IGBP1C: variants seen among roughly 807,000 people sequenced by gnomAD.
IGBP1C encodes immunoglobulin-binding protein 1 family member C.
chr17:58,661,301 C>T, the IGBP1C span: 4 of 818,156 alleles, frequency 4.9e-6, no homozygotes, highest in East Asian at 4.8e-5. Flanking sequence ...ATGATCTAGA[C>T]GCTTACGGGG....
the IGBP1C span, among the ~76,000 whole-genome samples, chr17:58,684,160 G>GA: frequency 1.4e-5 from 2 of 147,614 alleles, no homozygotes; most frequent in Non-Finnish European, 1.5e-5. Flanking sequence ...CAACTGGAAA[G>GA]AAAAAAAAAT....
the IGBP1C span, chr17:58,666,674 G>A: frequency 3.3e-5 from 5 of 152,112 alleles, no homozygotes; most frequent in South Asian, 8.3e-4. Flanking sequence ...CATAATCACA[G>A]TATTTCTCCT....
the IGBP1C span, among the ~76,000 whole-genome samples, chr17:58,676,543 A>G: frequency 6.6e-6 from 1 of 152,154 alleles, no homozygotes; most frequent in Non-Finnish European, 1.5e-5. Context: ...CTGAGCAATA[A>G]GAGTGAAACT....
chr17:58,691,644 G>A, the IGBP1C span, among the ~76,000 whole-genome samples: 1 of 125,178 alleles, frequency 8.0e-6, no homozygotes, highest in Non-Finnish European at 1.6e-5. Flanking sequence ...TCCATCATGG[G>A]CAACACAGTG....
the IGBP1C span, among the ~76,000 whole-genome samples, chr17:58,666,989 C>G: frequency 1.3e-5 from 2 of 152,218 alleles, no homozygotes; most frequent in African/African-American, 4.8e-5. Flanking sequence ...TTCCAACCAG[C>G]AGTTCCTTCT....
At chr17:58,666,960 C>T in the IGBP1C span, among the ~76,000 whole-genome samples, 3 of 152,172 alleles carry the variant, frequency 2.0e-5, no homozygotes, top group African/African-American at 4.8e-5. Context: ...AGCGCAACTG[C>T]GTTCTCATCT....
the IGBP1C span, among the ~76,000 whole-genome samples, chr17:58,663,624 G>T: frequency 6.6e-6 from 1 of 151,790 alleles, no homozygotes; most frequent in Non-Finnish European, 1.5e-5. Context: ...GCACCACCAC[G>T]CCTGGCTAAT....
chr17:58,667,920 C>T, the IGBP1C span, among the ~76,000 whole-genome samples: 215 of 149,228 alleles, frequency 1.4e-3, 1 homozygote, highest in Middle Eastern at 0.021. Context: ...AGATTCTTTT[C>T]TTGTTTGCTT....
At chr17:58,668,746 G>T in the IGBP1C span, among the ~76,000 whole-genome samples, 1 of 152,130 alleles carries the variant, frequency 6.6e-6, no homozygotes, top group African/African-American at 2.4e-5. Context: ...AAATAATCTG[G>T]ATCACCCAGA....
At chr17:58,666,458 C>CAAA in the IGBP1C span, 21 of 36,830 alleles carry the variant, frequency 5.7e-4, no homozygotes, top group Admixed American at 1.6e-3. Flanking sequence ...CCTTCCACGG[C>CAAA]AAAAAAAAAA....
the IGBP1C span, among the ~76,000 whole-genome samples, chr17:58,676,790 A>G: frequency 1.3e-5 from 2 of 152,152 alleles, no homozygotes; most frequent in African/African-American, 4.8e-5. Context: ...GTTCGAGACC[A>G]GCCTGGGCAA....
At chr17:58,682,679 G>C in the IGBP1C span, among the ~76,000 whole-genome samples, 1 of 152,154 alleles carries the variant, frequency 6.6e-6, no homozygotes, top group Non-Finnish European at 1.5e-5. Flanking sequence ...CGGCTGCCCA[G>C]CCTACAGAGT....
chr17:58,679,156 A>G, the IGBP1C span, among the ~76,000 whole-genome samples: 7 of 152,144 alleles, frequency 4.6e-5, no homozygotes, highest in Non-Finnish European at 8.8e-5. Context: ...CGCCGTCTCC[A>G]AGAAAAGAAA....
the IGBP1C span, among the ~76,000 whole-genome samples, chr17:58,691,029 A>T: frequency 6.6e-6 from 1 of 151,772 alleles, no homozygotes; most frequent in East Asian, 2.0e-4. Context: ...AATTTTTTGT[A>T]CTTTTGGTAC....
At chr17:58,684,323 A>G in the IGBP1C span, among the ~76,000 whole-genome samples, 50 of 151,688 alleles carry the variant, frequency 3.3e-4, no homozygotes, top group East Asian at 8.6e-3. Context: ...TTAGTGAGGC[A>G]TGGTGGTGGG....
chr17:58,685,582 C>G, the IGBP1C span, among the ~76,000 whole-genome samples: 2 of 151,570 alleles, frequency 1.3e-5, no homozygotes, highest in Non-Finnish European at 2.9e-5. Flanking sequence ...GCCAAAGTAG[C>G]AGGAGTATAG....
the IGBP1C span, chr17:58,660,986 A>T: frequency 8.6e-6 from 10 of 1,168,312 alleles, no homozygotes; most frequent in Non-Finnish European, 1.3e-5. Flanking sequence ...TTCTAAGCTG[A>T]TATCAATCCA....
At chr17:58,691,397 G>A in the IGBP1C span, among the ~76,000 whole-genome samples, 30 of 151,872 alleles carry the variant, frequency 2.0e-4, no homozygotes, top group African/African-American at 3.6e-4. Context: ...GGCCGGGCGC[G>A]GTGGCTCACG....
At chr17:58,666,046 C>CA in the IGBP1C span, among the ~76,000 whole-genome samples, 8,390 of 98,848 alleles carry the variant, frequency 0.085, 358 homozygotes, top group African/African-American at 0.15. Flanking sequence ...GACTCTGTCT[C>CA]AAAAAAAAAA....
Sources: gnomAD v4.1 joint callset for allele counts (sites outside exome capture counted in the v4.1 genomes callset) on GRCh38, gnomAD v4.1.1 for gene constraint, MANE v1.5 for transcripts, NCBI Gene and HGNC (gene_info 2026-07-23, HGNC 2026-07-21) for gene names.